RFX1: variants seen among roughly 807,000 people sequenced by gnomAD.
RFX1 encodes regulatory factor X1.
RFX1 carries 42 observed loss-of-function variants against 119.6 expected under a neutral mutation model. The ratio of observed to expected loss-of-function variants is 0.35; its 90% CI spans 0.27 to 0.45. RFX1 has a LOEUF of 0.45. Ranked by LOEUF, RFX1 falls within the 20% of genes least tolerant of loss-of-function variation. RFX1 has a pLI of 1.00. For synonymous variants in RFX1, 628 were observed against 618.5 expected (o/e 1.02, Z -0.23); for missense variants, 1,118 against 1,368.1 (o/e 0.82, Z 2.88).
intron 9 of RFX1, among the ~76,000 whole-genome samples, chr19:13,972,091 C>A (rs1202898790): frequency 6.6e-6 from 1 of 151,304 alleles, no homozygotes; most frequent in East Asian, 1.9e-4. Flanking sequence ...ATCACTTGAG[C>A]CTGGGAGTTT....
At chr19:13,970,390 A>G (rs1048488906) in intron 9 of RFX1, among the ~76,000 whole-genome samples, 10 of 152,072 alleles carry the variant, frequency 6.6e-5, no homozygotes, top group Admixed American at 2.6e-4. Flanking sequence ...AGCTAAATAC[A>G]TTAAAGGCCG....
rs768610569 is a variant in RFX1 at position 13,982,158 on chromosome 19, G to A, written c.584C>T (p.Thr195Met). 7.5e-5 allele frequency: 98 copies of A among 1,312,146 alleles called. 2 individuals carry two copies. Among genetic ancestry groups the A allele is most frequent in the South Asian group, 5.4e-4 (17 of 31,594 alleles). 81.3% of individuals were successfully genotyped at this position (1,312,146 alleles called of 1,614,324 possible). ...GTGCACCTGCTGGGTACCATGGACC[G>A]TCAGGGAGACCTGGCCACCTTTGCT... is the stretch of plus-strand genomic sequence containing the variant. ...PGSKGGQVSL[T>M]VHGTQQVHSP... Residue 195 changes from threonine to methionine, a missense_variant, in exon 5 of 21, where the codon ACG (threonine) becomes ATG (methionine). Thr to Met is a moderately conservative substitution (Grantham distance 81). Around this residue, in one of 5 missense-constraint regions of RFX1, gnomAD observed 542 missense variants for 602.7 expected, o/e 0.90. Coordinates refer to ENST00000254325, the MANE Select transcript of RFX1 (RefSeq NM_002918.5).
At chr19:13,974,269 G>A (rs1014942936) in intron 8 of RFX1, among the ~76,000 whole-genome samples, 1 of 152,172 alleles carries the variant, frequency 6.6e-6, no homozygotes, top group Non-Finnish European at 1.5e-5. Flanking sequence ...CGCTGTGATT[G>A]GAGAAGACCA....
intron 9 of RFX1, 150 bp downstream of exon 9, chr19:13,972,593 C>A (rs1438863026): frequency 4.8e-6 from 3 of 627,650 alleles, no homozygotes; most frequent in Non-Finnish European, 8.2e-6. Context: ...ACACAGCATT[C>A]AATCCCAGGA....
At chr19:13,972,168 C>CA (rs1230847191) in intron 9 of RFX1, among the ~76,000 whole-genome samples, 705 of 50,994 alleles carry the variant, frequency 0.014, 2 homozygotes, top group African/African-American at 0.021. Context: ...AACCCTGTCT[C>CA]AAAAAAAAAA....
chr19:13,994,935 T>TAA (rs1974956755), intron 1 of RFX1, among the ~76,000 whole-genome samples: 1 of 114,980 alleles, frequency 8.7e-6, no homozygotes, highest in East Asian at 2.5e-4. Context: ...TATATATATA[T>TAA]ATAATCATTT....
chr19:13,992,086 G>A (rs1366182208), intron 2 of RFX1, among the ~76,000 whole-genome samples: 3 of 152,038 alleles, frequency 2.0e-5, no homozygotes, highest in Non-Finnish European at 2.9e-5. Context: ...CTCTGAGAAG[G>A]ACCAGGGCCA....
rs1973983572 is a variant in RFX1, at chr19:13,968,767, C to T, written c.1616+8G>A. On this transcript the variant is annotated splice_region_variant and intron_variant, in intron 11 of 20. Transcript: ENST00000254325. The surrounding 1 kb of genome is among the most constrained non-coding windows in gnomAD (Gnocchi z 5.5). ...TGCCCTGCCCTGGGTCCGGCCCTGCCTTCCTACCTCTGCTTCTGCGAGAAG... is the reference window on the plus strand; with the variant it reads ...TGCCCTGCCCTGGGTCCGGCCCTGCTTTCCTACCTCTGCTTCTGCGAGAAG... 6.2e-7 allele frequency: 1 copy of T among 1,602,334 alleles called. No homozygotes were observed. Among genetic ancestry groups the T allele is most frequent in the Non-Finnish European group, 8.5e-7 (1 of 1,174,832 alleles).
Position 13,962,652 on chromosome 19 carries a change from G to C in RFX1, c.*43C>G, listed in dbSNP as rs897139963. ...CACAGAAGCTTTGAGGGACCCTGGC[G>C]TGGAGGGGTGGCGGGGGCGGGTGGG... On this transcript the variant is annotated 3_prime_UTR_variant, in exon 21 of 21. Transcript: ENST00000254325. The C allele has an allele frequency of 4.1e-6, 6 of 1,449,730 alleles. No individual in the cohort carries two copies. Among genetic ancestry groups the C allele is most frequent in the Non-Finnish European group, 5.5e-6 (6 of 1,093,610 alleles). 89.8% of individuals were successfully genotyped at this position (1,449,730 alleles called of 1,614,324 possible). A position where few individuals can be genotyped will look rare whatever the true frequency, so the allele number is the denominator to read the frequency against.
intron 9 of RFX1, among the ~76,000 whole-genome samples, chr19:13,972,168 C>CAA (rs1230847191): frequency 2.5e-4 from 13 of 51,106 alleles, no homozygotes; most frequent in Admixed American, 4.5e-4. Context: ...AACCCTGTCT[C>CAA]AAAAAAAAAA....
chr19:13,996,071 C>A lies in RFX1; in HGVS notation c.-52-2176G>T, dbSNP rs1975005966. The stretch of plus-strand genomic sequence containing the variant: ...AAACAAAAGGAAAGAACAGGGCAGG[C>A]CTGGCTGTTAAAGGGTGTGTTCCTC... On this transcript the variant is annotated intron_variant, in intron 1 of 20. Coordinates refer to ENST00000254325, the MANE Select transcript of RFX1 (RefSeq NM_002918.5). Among the ~76,000 whole-genome samples the A allele has an allele frequency of 2.0e-5, 3 of 152,004 alleles. No homozygotes were observed. In the South Asian group the frequency reaches 6.2e-4, roughly 31 times the overall value.
chr19:13,966,573 G>A lies in RFX1; in HGVS notation c.1852-43C>T. 2 of 1,528,252 alleles carry A rather than the reference G, an allele frequency of 1.3e-6. No individual in the cohort carries two copies. The highest frequency in any genetic ancestry group is 1.2e-5 in the South Asian group (1 of 82,858). 94.7% of individuals were successfully genotyped at this position (1,528,252 alleles called of 1,614,324 possible). A position where few individuals can be genotyped will look rare whatever the true frequency, so the allele number is the denominator to read the frequency against. ...GCTCAGGGAGGCTGGGGGGCAGCAT[G>A]GCCCTCCCATGCCCGTGGCTGCGTC... On this transcript the variant is annotated intron_variant, in intron 13 of 20. Transcript: ENST00000254325. This position sits in a 1 kb window ranked among gnomAD's most constrained non-coding sequence, Gnocchi z 6.3.
At chr19:13,998,930 CAG>C (rs932636716) in intron 1 of RFX1, among the ~76,000 whole-genome samples, 1 of 152,148 alleles carries the variant, frequency 6.6e-6, no homozygotes, top group African/African-American at 2.4e-5. Context: ...CCCTTCCACT[CAG>C]GGGCAAGAAG....
In RFX1 at chr19:13,962,510, G is replaced by T. The variant is rs1973722740; in HGVS notation, c.*185C>A. 1.8e-6 allele frequency: 1 copy of T among 563,672 alleles called. No homozygotes were observed. Among genetic ancestry groups the T allele is most frequent in the Admixed American group, 3.7e-5 (1 of 26,862 alleles). The allele number at this position is 563,672 out of a possible 1,614,324, so 34.9% of individuals were successfully genotyped here. A position where few individuals can be genotyped will look rare whatever the true frequency, so the allele number is the denominator to read the frequency against. ...GTCTTTTGTGTCAGAGTTTGCAGCT[G>T]CGGCTCCGCCCAGCCCACTGATTGT... On this transcript the variant is annotated 3_prime_UTR_variant, in exon 21 of 21. Transcript: ENST00000254325.
rs1217333177 is a variant in RFX1, at chr19:13,962,282, C to G, written c.*413G>C. On this transcript the variant is annotated 3_prime_UTR_variant, in exon 21 of 21. Coordinates refer to ENST00000254325, the MANE Select transcript of RFX1 (RefSeq NM_002918.5). ...ACCTGCGCCGGCCCGGGGCTCAGGGCTGGGCCCAGGACAGGCTGTGCAAAG... is the reference window on the plus strand; with the variant it reads ...ACCTGCGCCGGCCCGGGGCTCAGGGGTGGGCCCAGGACAGGCTGTGCAAAG... 1 of 187,628 alleles carries G rather than the reference C, an allele frequency of 5.3e-6. No homozygotes were observed. The highest frequency in any genetic ancestry group is 1.6e-4 in the East Asian group (1 of 6,112). The allele number at this position is 187,628 out of a possible 1,614,324, so 11.6% of individuals were successfully genotyped here.
In RFX1 at chr19:13,990,345, G is replaced by A. The variant is rs970782106; in HGVS notation, c.319+3180C>T. Among the ~76,000 whole-genome samples the A allele has an allele frequency of 2.6e-5, 4 of 152,060 alleles. No homozygotes were observed. The highest frequency in any genetic ancestry group is 5.9e-5 in the Non-Finnish European group (4 of 68,002). On this transcript the variant is annotated intron_variant, in intron 2 of 20. Coordinates refer to ENST00000254325, the MANE Select transcript of RFX1 (RefSeq NM_002918.5). The surrounding 1 kb of genome is among the most constrained non-coding windows in gnomAD (Gnocchi z 4.1). ...CAAGAGGGGATCTTTGGGAAAAAGG[G>A]GGCCAGCTGCAGGGGGTCCAGCAGC...
At position 13,985,687 on chromosome 19, in the gene RFX1, G is replaced by A. The variant is rs1303704177; in HGVS notation, c.320-2092C>T. Among the ~76,000 whole-genome samples the A allele has an allele frequency of 2.6e-5, 4 of 152,232 alleles. 1 individual carries two copies. In the East Asian group the frequency reaches 5.8e-4, roughly 22 times the overall value. On this transcript the variant is annotated intron_variant, in intron 2 of 20. Transcript: ENST00000254325. The surrounding 1 kb of genome is among the most constrained non-coding windows in gnomAD (Gnocchi z 4.3). ...CAAGGGCAGTGATGTGTGAACTTGG[G>A]TATATGGGCACAGGAAGGAAAGTAA...
At position 13,965,431 on chromosome 19, in the gene RFX1, A is replaced by G; in HGVS notation, c.2211+18T>C. 1 of 1,606,680 alleles carries G rather than the reference A, an allele frequency of 6.2e-7. No individual in the cohort carries two copies. The highest frequency in any genetic ancestry group is 1.1e-5 in the South Asian group (1 of 90,870). On this transcript the variant is annotated intron_variant, in intron 16 of 20. Coordinates refer to ENST00000254325, the MANE Select transcript of RFX1 (RefSeq NM_002918.5). This position sits in a 1 kb window ranked among gnomAD's most constrained non-coding sequence, Gnocchi z 4.7. Reference sequence around the variant, plus strand: ...TAAGCCCCAGAGATAGGAGAAAGGGACCCCCTCACACTCTCACCTTCACCC... The same window carrying G: ...TAAGCCCCAGAGATAGGAGAAAGGGGCCCCCTCACACTCTCACCTTCACCC...
At chr19:13,987,412 C>A (rs1974639215) in intron 2 of RFX1, among the ~76,000 whole-genome samples, 2 of 152,142 alleles carry the variant, frequency 1.3e-5, no homozygotes, top group Non-Finnish European at 2.9e-5. Flanking sequence ...CAGCCCCAGG[C>A]TCCAAGTCTG....
Sources: allele counts gnomAD v4.1 joint callset (sites outside exome capture counted in the v4.1 genomes callset), GRCh38; gene constraint gnomAD v4.1.1; regional missense constraint gnomAD v4.1.1; non-coding constraint Gnocchi (gnomAD v3.1); transcripts MANE v1.5; gene names NCBI Gene and HGNC (gene_info 2026-07-23, HGNC 2026-07-21).